The following ITFG1 variants were observed in gnomAD, a reference collection of about 807,000 sequenced individuals.
ITFG1 encodes the protein integrin alpha FG-GAP repeat containing 1, also known as T-cell immunomodulatory protein.
ITFG1 carries 34 observed loss-of-function variants against 81.8 expected under a neutral mutation model. The observed-to-expected ratio is 0.42, with a 90% CI of 0.32 to 0.55. The LOEUF (loss-of-function observed/expected upper bound fraction) is 0.55. Among genes scored for constraint, ITFG1 ranks in the 20% least tolerant of loss-of-function variants. ITFG1 has a pLI of 0.17. For synonymous variants in ITFG1, 285 were observed against 270.6 expected (o/e 1.05, Z -0.52); for missense variants, 672 against 755.4 (o/e 0.89, Z 1.29).
At chr16:47,423,281 T>G (rs1968975407) in intron 6 of ITFG1, among the ~76,000 whole-genome samples, 1 of 151,536 alleles carries the variant, frequency 6.6e-6, no homozygotes, top group East Asian at 1.9e-4. Flanking sequence ...GCTTTCCATT[T>G]GCTAGGTAGA....
intron 10 of ITFG1, among the ~76,000 whole-genome samples, chr16:47,297,485 G>T (rs1397492741): frequency 6.6e-6 from 1 of 152,028 alleles, no homozygotes; most frequent in African/African-American, 2.4e-5. Context: ...TTGTTTCCAT[G>T]TTTAGAATTC....
chr16:47,187,612 C>G (rs1965238431), intron 14 of ITFG1, among the ~76,000 whole-genome samples: 1 of 151,828 alleles, frequency 6.6e-6, no homozygotes, highest in Non-Finnish European at 1.5e-5. Context: ...AAAATCAATT[C>G]AAGATGGATT....
intron 10 of ITFG1, chr16:47,263,446 A>G (rs1567439596): frequency 4.9e-6 from 2 of 404,114 alleles, no homozygotes. Flanking sequence ...GCTGGATCCA[A>G]GTCTCCAGTG....
At chr16:47,442,507 A>T (rs1275171119) in intron 5 of ITFG1, among the ~76,000 whole-genome samples, 1 of 152,188 alleles carries the variant, frequency 6.6e-6, no homozygotes, top group African/African-American at 2.4e-5. Context: ...ACTATACTAC[A>T]AGGCTACAGT....
chr16:47,284,775 C>G (rs1487775546), intron 10 of ITFG1, among the ~76,000 whole-genome samples: 1 of 152,142 alleles, frequency 6.6e-6, no homozygotes, highest in East Asian at 1.9e-4. Context: ...GGAAGAATAA[C>G]TGTTTCTGAA....
intron 6 of ITFG1, among the ~76,000 whole-genome samples, chr16:47,383,141 A>G (rs955752978): frequency 6.6e-6 from 1 of 152,196 alleles, no homozygotes; most frequent in African/African-American, 2.4e-5. Flanking sequence ...ACAAACTTCA[A>G]ACATAAGACT....
intron 10 of ITFG1, among the ~76,000 whole-genome samples, chr16:47,310,452 A>G (rs1353637015): frequency 6.6e-6 from 1 of 152,202 alleles, no homozygotes; most frequent in East Asian, 1.9e-4. Flanking sequence ...AGATGAATAA[A>G]ACGATAAGGT....
chr16:47,232,824 A>T (rs1028308403), intron 13 of ITFG1, among the ~76,000 whole-genome samples: 1 of 151,806 alleles, frequency 6.6e-6, no homozygotes, highest in African/African-American at 2.4e-5. Flanking sequence ...TATTTTTTGT[A>T]GAGATGGGGT....
chr16:47,172,122 T>C (rs1404187139), intron 14 of ITFG1, among the ~76,000 whole-genome samples: 2 of 152,210 alleles, frequency 1.3e-5, no homozygotes, highest in Non-Finnish European at 2.9e-5. Flanking sequence ...TAGGCTCTCA[T>C]ATCAAACTAA....
At chr16:47,319,305 C>G (rs1967412870) in intron 8 of ITFG1, among the ~76,000 whole-genome samples, 1 of 152,152 alleles carries the variant, frequency 6.6e-6, no homozygotes, top group Non-Finnish European at 1.5e-5. Flanking sequence ...CTTGAAAGCT[C>G]AAATTTTATC....
chr16:47,407,851 T>C (rs759248452), intron 6 of ITFG1, among the ~76,000 whole-genome samples: 40 of 152,326 alleles, frequency 2.6e-4, no homozygotes, highest in Non-Finnish European at 4.0e-4. Context: ...ACGTCTAGCT[T>C]GGACATATAC....
chr16:47,270,230 C>G (rs1465541897), intron 10 of ITFG1, among the ~76,000 whole-genome samples: 1 of 152,136 alleles, frequency 6.6e-6, no homozygotes, highest in Non-Finnish European at 1.5e-5. Flanking sequence ...CTAGATACTT[C>G]TCCCCTTTGA....
chr16:47,367,886 A>G (rs965416997), intron 7 of ITFG1, among the ~76,000 whole-genome samples: 1 of 152,136 alleles, frequency 6.6e-6, no homozygotes, highest in African/African-American at 2.4e-5. Context: ...TGCACTAGAG[A>G]TGTGTCATAG....
chr16:47,361,476 G>A (rs1309309840), intron 8 of ITFG1, among the ~76,000 whole-genome samples: 1 of 152,068 alleles, frequency 6.6e-6, no homozygotes, highest in Non-Finnish European at 1.5e-5. Context: ...CAGAGCCTAC[G>A]TAGAAAGAGA....
At chr16:47,292,130 C>G (rs560456179) in intron 10 of ITFG1, among the ~76,000 whole-genome samples, 1 of 152,154 alleles carries the variant, frequency 6.6e-6, no homozygotes, top group African/African-American at 2.4e-5. Flanking sequence ...TCTCCTGCCT[C>G]AGCCTCCCAA....
chr16:47,286,305 A>C (rs1966869159), intron 10 of ITFG1, among the ~76,000 whole-genome samples: 1 of 152,132 alleles, frequency 6.6e-6, no homozygotes, highest in South Asian at 2.1e-4. Flanking sequence ...GATATGATAA[A>C]GGAGGCATAT....
intron 14 of ITFG1, among the ~76,000 whole-genome samples, chr16:47,204,816 G>T (rs1358675431): frequency 2.6e-5 from 4 of 152,194 alleles, no homozygotes; most frequent in Non-Finnish European, 4.4e-5. Context: ...AGAAGACTGG[G>T]AATATCTAGA....
chr16:47,258,609 T>C, intron 12 of ITFG1, 23 bp downstream of exon 12: 1 of 1,058,658 alleles, frequency 9.4e-7, no homozygotes, highest in South Asian at 1.3e-5. Context: ...GAGAACAAAA[T>C]TAAATGTTAG....
intron 13 of ITFG1, among the ~76,000 whole-genome samples, chr16:47,222,849 G>A (rs1200527939): frequency 2.6e-5 from 4 of 152,238 alleles, no homozygotes; most frequent in African/African-American, 9.6e-5. Context: ...TGGAATAGGT[G>A]TGGTGTGGTG....
Sources: allele counts gnomAD v4.1 joint callset (sites outside exome capture counted in the v4.1 genomes callset), GRCh38; gene constraint gnomAD v4.1.1; transcripts MANE v1.5; gene names NCBI Gene and HGNC (gene_info 2026-07-23, HGNC 2026-07-21).